The following GDA variants were observed in gnomAD, a reference collection of about 807,000 sequenced individuals.
GDA encodes guanine deaminase.
A neutral mutation model predicts 59.6 loss-of-function variants in GDA; 18 were observed. That is an observed-to-expected ratio of 0.30 (90% CI 0.21 to 0.45). The LOEUF (loss-of-function observed/expected upper bound fraction) is 0.45. Ranked by LOEUF, GDA falls within the 20% of genes least tolerant of loss-of-function variation. GDA has a pLI of 1.00. For synonymous variants in GDA, 201 were observed against 201.1 expected (o/e 1.00, Z 0.00); for missense variants, 427 against 552.3 (o/e 0.77, Z 2.27).
intron 1 of GDA, among the ~76,000 whole-genome samples, chr9:72,164,287 G>A (rs930875867): frequency 6.6e-6 from 1 of 152,184 alleles, no homozygotes; most frequent in Non-Finnish European, 1.5e-5. Context: ...GAAGACAACG[G>A]GAGGGTATTG....
chr9:72,223,773 C>A (rs529350313), intron 7 of GDA, among the ~76,000 whole-genome samples: 1 of 152,230 alleles, frequency 6.6e-6, no homozygotes, highest in South Asian at 2.1e-4. Flanking sequence ...AGGAATAAAA[C>A]ACTTTTTTAA....
At chr9:72,188,718 G>T (rs1020853593) in intron 1 of GDA, among the ~76,000 whole-genome samples, 2 of 152,004 alleles carry the variant, frequency 1.3e-5, no homozygotes, top group African/African-American at 4.8e-5. Flanking sequence ...CCTCACTGGG[G>T]TAATGCCTAG....
intron 1 of GDA, among the ~76,000 whole-genome samples, chr9:72,180,886 T>A (rs906814489): frequency 6.6e-6 from 1 of 152,218 alleles, no homozygotes; most frequent in African/African-American, 2.4e-5. Flanking sequence ...CGGGACTGAT[T>A]ATGACCTTGT....
At chr9:72,162,154 G>A (rs1391162798) in intron 1 of GDA, among the ~76,000 whole-genome samples, 4 of 152,150 alleles carry the variant, frequency 2.6e-5, no homozygotes, top group African/African-American at 2.4e-5. Context: ...CCTGCAGAGC[G>A]TGGACTCAAT....
downstream of GDA, chr9:72,257,531 G>A (rs1327901218): frequency 6.6e-6 from 1 of 152,220 alleles, no homozygotes; most frequent in Non-Finnish European, 1.5e-5. Flanking sequence ...AGCCTTGCCA[G>A]AGATGCCATC....
Position 72,248,282 on chromosome 9 carries a change from A to G in GDA, c.1305A>G (p.Arg435=). ...IQKFLYLGDD[R]NIEEVYVGGK... is the part of the protein sequence containing the mutation. ...TGATTTTTCTTTCAGGAGATGATCG[A>G]AATATTGAAGAGGTTTATGTGGGCG... The change falls in exon 14 of 14, where the codon CGA becomes CGG. Residue 435 remains arginine (R), a synonymous_variant. Coordinates refer to ENST00000358399, the MANE Select transcript of GDA (RefSeq NM_004293.5). 1.2e-6 allele frequency: 2 copies of G among 1,610,572 alleles called. No individual in the cohort carries two copies. Among genetic ancestry groups the G allele is most frequent in the African/African-American group, 2.7e-5 (2 of 74,956 alleles).
intron 8 of GDA, among the ~76,000 whole-genome samples, chr9:72,226,953 T>TAAAAAAAA (rs1837678125): frequency 6.6e-6 from 1 of 151,960 alleles, no homozygotes. Context: ...CCGTCTCTAC[T>TAAAAAAAA]AAAAATACAA....
intron 1 of GDA, among the ~76,000 whole-genome samples, chr9:72,124,007 A>G (rs922229722): frequency 6.6e-6 from 1 of 152,228 alleles, no homozygotes; most frequent in African/African-American, 2.4e-5. Context: ...CTGTGCTGCC[A>G]TTAGGTGAGT....
chr9:72,139,244 G>A (rs2130645737), intron 1 of GDA, among the ~76,000 whole-genome samples: 1 of 152,230 alleles, frequency 6.6e-6, no homozygotes, highest in African/African-American at 2.4e-5. Flanking sequence ...TCAATTTTAG[G>A]ATGACATGAG....
At chr9:72,123,259 C>T (rs1825729646) in intron 1 of GDA, among the ~76,000 whole-genome samples, 2 of 147,994 alleles carry the variant, frequency 1.4e-5, no homozygotes, top group African/African-American at 5.0e-5. Flanking sequence ...TCTCGGCTCA[C>T]TGCAAGCTCC....
At chr9:72,129,677 T>C (rs1825960495) in intron 1 of GDA, among the ~76,000 whole-genome samples, 1 of 152,190 alleles carries the variant, frequency 6.6e-6, no homozygotes, top group Non-Finnish European at 1.5e-5. Flanking sequence ...GGGAGACCGA[T>C]GATGTTCACT....
At chr9:72,196,852 C>A (rs984879573) in intron 2 of GDA, among the ~76,000 whole-genome samples, 2 of 144,644 alleles carry the variant, frequency 1.4e-5, no homozygotes, top group Admixed American at 7.6e-5. Context: ...GTTTGGTTTT[C>A]TGTTCCTGTG....
intron 1 of GDA, among the ~76,000 whole-genome samples, chr9:72,190,824 A>G (rs958323827): frequency 1.7e-4 from 26 of 152,322 alleles, no homozygotes; most frequent in African/African-American, 6.3e-4. Context: ...AAATTAAAAA[A>G]AAAAATTGTA....
At chr9:72,207,634 T>A (rs576818611) in intron 3 of GDA, among the ~76,000 whole-genome samples, 1 of 152,306 alleles carries the variant, frequency 6.6e-6, no homozygotes, top group South Asian at 2.1e-4. Flanking sequence ...TCCACCTGGA[T>A]TTGTGATGGA....
downstream of GDA, among the ~76,000 whole-genome samples, chr9:72,254,574 A>G (rs1236306644): frequency 1.3e-5 from 2 of 152,222 alleles, no homozygotes; most frequent in Non-Finnish European, 2.9e-5. Flanking sequence ...AGGAGAACCC[A>G]AAGTCATAAG....
rs1021829416 is a variant in GDA at position 72,252,007 on chromosome 9, T to G, written c.*3665T>G. On this transcript the variant is annotated 3_prime_UTR_variant, in exon 14 of 14. Coordinates refer to ENST00000358399, the MANE Select transcript of GDA (RefSeq NM_004293.5). ...ACCTGTTATGTGACAGTGATTTACC[T>G]GTCCATTTCCAACCCAAAAGCCTGT... 6 of 152,562 alleles carry G rather than the reference T, an allele frequency of 3.9e-5. No individual in the cohort carries two copies. Among genetic ancestry groups the G allele is most frequent in the Admixed American group, 6.5e-5 (1 of 15,268 alleles). The allele number at this position is 152,562 out of a possible 1,614,324, so 9.5% of individuals were successfully genotyped here. A position where few individuals can be genotyped will look rare whatever the true frequency, so the allele number is the denominator to read the frequency against.
At chr9:72,210,176 T>C (rs1835183000) in intron 3 of GDA, among the ~76,000 whole-genome samples, 1 of 152,242 alleles carries the variant, frequency 6.6e-6, no homozygotes, top group South Asian at 2.1e-4. Context: ...CAAGAAGATA[T>C]TGAAATGTTT....
intron 1 of GDA, among the ~76,000 whole-genome samples, chr9:72,120,191 C>CTTTT (rs202118778): frequency 0.019 from 2,822 of 145,220 alleles, 48 homozygotes; most frequent in South Asian, 0.097. Context: ...ATGCAGCATT[C>CTTTT]TTTTTTTTTT....
At chr9:72,126,986 G>A (rs1252486673) in intron 1 of GDA, among the ~76,000 whole-genome samples, 1 of 152,006 alleles carries the variant, frequency 6.6e-6, no homozygotes, top group Non-Finnish European at 1.5e-5. Flanking sequence ...CTCAGAGAGA[G>A]AAGACACAGC....
Sources: gnomAD v4.1 joint callset for allele counts (sites outside exome capture counted in the v4.1 genomes callset) on GRCh38, gnomAD v4.1.1 for gene constraint, MANE v1.5 for transcripts, NCBI Gene and HGNC (gene_info 2026-07-23, HGNC 2026-07-21) for gene names.